The following NOS1AP variants were observed in gnomAD, a reference collection of about 807,000 sequenced individuals.
NOS1AP encodes the protein nitric oxide synthase 1 adaptor protein, also known as carboxyl-terminal PDZ ligand of neuronal nitric oxide synthase protein.
NOS1AP carries 21 observed loss-of-function variants against 56.2 expected under a neutral mutation model. That is an observed-to-expected ratio of 0.37 (90% CI 0.26 to 0.54). The LOEUF is 0.54. Ranked by LOEUF, NOS1AP falls within the 20% of genes least tolerant of loss-of-function variation. The pLI is 0.84. For missense variants in NOS1AP, 522 were observed against 657.8 expected (o/e 0.79, Z 2.26); for synonymous variants, 270 against 274.6 (o/e 0.98, Z 0.17).
chr1:162,255,490 A>AT (rs35637289), intron 2 of NOS1AP, among the ~76,000 whole-genome samples: 850 of 60,860 alleles, frequency 0.014, 140 homozygotes, highest in Non-Finnish European at 0.022. Flanking sequence ...GCTGCTGCTG[A>AT]TTTTTTTTTT....
intron 2 of NOS1AP, among the ~76,000 whole-genome samples, chr1:162,207,320 A>G (rs1652193164): frequency 6.6e-6 from 1 of 152,108 alleles, no homozygotes; most frequent in South Asian, 2.1e-4. Flanking sequence ...TACCCACGCG[A>G]CACCTCCGCT....
At chr1:162,364,624 A>G (rs1045346847) in intron 8 of NOS1AP, 8 of 985,414 alleles carry the variant, frequency 8.1e-6, no homozygotes, top group East Asian at 1.1e-4. Flanking sequence ...GGGTGCCACA[A>G]ATTGTTCACC....
At chr1:162,359,961 T>G (rs1657844264) in intron 8 of NOS1AP, among the ~76,000 whole-genome samples, 1 of 152,210 alleles carries the variant, frequency 6.6e-6, no homozygotes, top group Admixed American at 6.5e-5. Flanking sequence ...GACAGTTTCT[T>G]GCAGACAAGT....
Position 162,360,732 on chromosome 1 carries a change from C to T in NOS1AP, c.939+3596C>T, listed in dbSNP as rs564460405. 13 of 448,188 alleles carry T rather than the reference C, an allele frequency of 2.9e-5. No individual in the cohort carries two copies. The East Asian group carries it at 9.1e-4, about 31-fold the overall frequency. The allele number at this position is 448,188 out of a possible 1,614,324, so 27.8% of individuals were successfully genotyped here. On this transcript the variant is annotated intron_variant, in intron 8 of 9. Transcript: ENST00000361897. ...TGTCCCTGTGGCTTCTCCCAGTCCC[C>T]AGCACGCTGGCATGCACTGCCCAAG...
chr1:162,180,506 A>G (rs1487529514), intron 2 of NOS1AP, among the ~76,000 whole-genome samples: 1 of 152,104 alleles, frequency 6.6e-6, no homozygotes, highest in Non-Finnish European at 1.5e-5. Flanking sequence ...AGCCTCCCAA[A>G]GTGCTGGGAT....
At chr1:162,103,371 G>A (rs1171377187) in intron 1 of NOS1AP, among the ~76,000 whole-genome samples, 1 of 152,032 alleles carries the variant, frequency 6.6e-6, no homozygotes, top group Non-Finnish European at 1.5e-5. Flanking sequence ...CAATTTTACA[G>A]TAAGTGCTGT....
chr1:162,112,967 A>G (rs1476316339), intron 1 of NOS1AP, among the ~76,000 whole-genome samples: 1 of 152,200 alleles, frequency 6.6e-6, no homozygotes, highest in Non-Finnish European at 1.5e-5. Context: ...TTCCCTCTAA[A>G]GCTTCTGAGC....
At chr1:162,350,936 C>T (rs1320583865) in intron 6 of NOS1AP, among the ~76,000 whole-genome samples, 3 of 152,122 alleles carry the variant, frequency 2.0e-5, no homozygotes, top group East Asian at 1.9e-4. Flanking sequence ...TTTTGAGCAC[C>T]GACATGACAC....
chr1:162,172,160 A>C (rs1256950934), intron 2 of NOS1AP, among the ~76,000 whole-genome samples: 1 of 152,220 alleles, frequency 6.6e-6, no homozygotes, highest in African/African-American at 2.4e-5. Flanking sequence ...AGTTCAGATG[A>C]ACCCATGACG....
intron 2 of NOS1AP, among the ~76,000 whole-genome samples, chr1:162,179,830 A>G (rs1448547547): frequency 1.3e-5 from 2 of 152,232 alleles, no homozygotes; most frequent in African/African-American, 2.4e-5. Context: ...TCCTGCTGGT[A>G]GTAGTGACCT....
At chr1:162,263,217 A>G (rs959578411) in intron 2 of NOS1AP, among the ~76,000 whole-genome samples, 3 of 152,236 alleles carry the variant, frequency 2.0e-5, no homozygotes, top group African/African-American at 7.2e-5. Flanking sequence ...ACAGAATACT[A>G]TAGACTGGGC....
At chr1:162,265,348 A>T (rs1654388634) in intron 2 of NOS1AP, among the ~76,000 whole-genome samples, 1 of 151,384 alleles carries the variant, frequency 6.6e-6, no homozygotes, top group Non-Finnish European at 1.5e-5. Context: ...ATTTAGCATT[A>T]GGTATATCTC....
chr1:162,078,564 A>G (rs1318104699), intron 1 of NOS1AP, among the ~76,000 whole-genome samples: 1 of 151,890 alleles, frequency 6.6e-6, no homozygotes, highest in Non-Finnish European at 1.5e-5. Flanking sequence ...CCCTGTTATC[A>G]GGGCCATCAA....
intron 1 of NOS1AP, among the ~76,000 whole-genome samples, chr1:162,097,240 T>C (rs1348298815): frequency 6.6e-6 from 1 of 152,192 alleles, no homozygotes; most frequent in Non-Finnish European, 1.5e-5. Flanking sequence ...CTCTTGCCCA[T>C]TTTTAAGCTG....
chr1:162,244,070 C>T (rs943527141), intron 2 of NOS1AP, among the ~76,000 whole-genome samples: 1 of 152,134 alleles, frequency 6.6e-6, no homozygotes, highest in African/African-American at 2.4e-5. Flanking sequence ...TGAGGTGTAT[C>T]GGGCCTTAAA....
chr1:162,231,375 G>T (rs1214991192), intron 2 of NOS1AP, among the ~76,000 whole-genome samples: 2 of 152,034 alleles, frequency 1.3e-5, no homozygotes, highest in Non-Finnish European at 2.9e-5. Flanking sequence ...TATATAGTCT[G>T]GACATTAACC....
In NOS1AP at chr1:162,096,577, A is replaced by G. The variant is rs548554882; in HGVS notation, c.105+26295A>G. On this transcript the variant is annotated intron_variant, in intron 1 of 9. Transcript: ENST00000361897. ...CTTCTCTTTTTCCCAAGAAACAACC[A>G]CTATCTTGAATTTATTTTATTTTCC... is the stretch of plus-strand genomic sequence containing the variant. Among the ~76,000 whole-genome samples the G allele has an allele frequency of 1.2e-3, 178 of 152,144 alleles. 1 individual carries two copies. The highest frequency in any genetic ancestry group is 1.5e-3 in the South Asian group (7 of 4,810).
chr1:162,250,672 A>G (rs796087026), intron 2 of NOS1AP, among the ~76,000 whole-genome samples: 10 of 152,328 alleles, frequency 6.6e-5, no homozygotes, highest in African/African-American at 2.2e-4. Context: ...GCACAGCCCT[A>G]TGGTGATGCA....
chr1:162,136,710 T>C (rs911528102), intron 1 of NOS1AP, among the ~76,000 whole-genome samples: 17 of 152,334 alleles, frequency 1.1e-4, no homozygotes, highest in Middle Eastern at 3.4e-3. Context: ...TGCCAAAGTT[T>C]AGAGACAAGT....
Sources: allele counts gnomAD v4.1 joint callset (sites outside exome capture counted in the v4.1 genomes callset), GRCh38; gene constraint gnomAD v4.1.1; transcripts MANE v1.5; gene names NCBI Gene and HGNC (gene_info 2026-07-23, HGNC 2026-07-21).